Variants in RGS20 observed in about 807,000 individuals in gnomAD.
RGS20 encodes the protein regulator of G protein signaling 20, also known as gz-selective GTPase-activating protein.
Under a neutral mutation model 33.6 loss-of-function variants are expected in RGS20, and 30 were observed. The observed-to-expected ratio is 0.89, with a 90% CI of 0.67 to 1.21. The LOEUF (loss-of-function observed/expected upper bound fraction) is 1.21, where lower values mean the gene tolerates loss of function less well. Among genes scored for constraint, RGS20 ranks in the 50% most tolerant of loss-of-function variants. The pLI is 0.00. For missense variants in RGS20, 472 were observed against 502.4 expected (o/e 0.94, Z 0.58); for synonymous variants, 208 against 197.9 (o/e 1.05, Z -0.43).
intron 4 of RGS20, among the ~76,000 whole-genome samples, chr8:53,948,616 GATACAGTACATATTTACATATGCTA>G: frequency 8.9e-6 from 1 of 111,738 alleles, no homozygotes; most frequent in African/African-American, 3.8e-5. Flanking sequence ...TGCTATATAT[GATACAGTACATATTTACATATGCTA>G]TATATAAGAT....
At chr8:53,893,028 G>A (rs1469350190) in intron 2 of RGS20, among the ~76,000 whole-genome samples, 1 of 152,082 alleles carries the variant, frequency 6.6e-6, no homozygotes, top group Non-Finnish European at 1.5e-5. Context: ...AGAAAGAATT[G>A]CATTCAGAAT....
intron 2 of RGS20, among the ~76,000 whole-genome samples, chr8:53,938,604 A>G (rs1050516023): frequency 1.2e-4 from 19 of 152,238 alleles, no homozygotes; most frequent in African/African-American, 4.6e-4. Context: ...ATTAGGTAAT[A>G]ATCAATAGGA....
At chr8:53,938,097 A>T (rs984214417) in intron 2 of RGS20, among the ~76,000 whole-genome samples, 5 of 152,188 alleles carry the variant, frequency 3.3e-5, no homozygotes, top group Admixed American at 3.3e-4. Flanking sequence ...ATGTTTATTG[A>T]GGCACTGTTC....
At chr8:53,852,496 A>G (rs1345291199) in intron 1 of RGS20, among the ~76,000 whole-genome samples, 2 of 152,242 alleles carry the variant, frequency 1.3e-5, no homozygotes, top group African/African-American at 4.8e-5. Flanking sequence ...GAACATAAGA[A>G]CATTAAGGAG....
chr8:53,877,352 G>A lies in RGS20; in HGVS notation c.166-1906G>A, dbSNP rs1257534187. Among the ~76,000 whole-genome samples the A allele has an allele frequency of 2.0e-5, 3 of 152,180 alleles. No individual in the cohort carries two copies. The highest frequency in any genetic ancestry group is 2.0e-4 in the Admixed American group (3 of 15,288). ...GAGGGCCCTCGCTCCGGAGTGGGGCGCAGACGCGGCCGCCGGCCCGCAGTC... is the reference window on the plus strand; with the variant it reads ...GAGGGCCCTCGCTCCGGAGTGGGGCACAGACGCGGCCGCCGGCCCGCAGTC... On this transcript the variant is annotated intron_variant, in intron 1 of 5. Transcript: ENST00000297313. The surrounding 1 kb of genome is among the most constrained non-coding windows in gnomAD (Gnocchi z 5.7).
intron 2 of RGS20, among the ~76,000 whole-genome samples, chr8:53,913,000 C>G (rs989905830): frequency 6.6e-6 from 1 of 150,960 alleles, no homozygotes; most frequent in Non-Finnish European, 1.5e-5. Flanking sequence ...GAGTCTTGCT[C>G]TGTTGCCCAG....
chr8:53,955,632 C>T (rs1814844754), intron 5 of RGS20, among the ~76,000 whole-genome samples: 1 of 152,100 alleles, frequency 6.6e-6, no homozygotes, highest in African/African-American at 2.4e-5. Flanking sequence ...GAGTTCGAGA[C>T]CAGCCTGGCC....
chr8:53,869,498 A>C (rs1812006964), intron 1 of RGS20, among the ~76,000 whole-genome samples: 1 of 152,162 alleles, frequency 6.6e-6, no homozygotes, highest in Non-Finnish European at 1.5e-5. Flanking sequence ...CAACATGGTG[A>C]AACCCTGTCT....
At chr8:53,873,744 T>A (rs1175093000) in intron 1 of RGS20, among the ~76,000 whole-genome samples, 3 of 152,216 alleles carry the variant, frequency 2.0e-5, no homozygotes, top group African/African-American at 7.2e-5. Flanking sequence ...GAATATATAC[T>A]ATGTCAGATG....
At chr8:53,926,345 G>C (rs1399999011) in intron 2 of RGS20, among the ~76,000 whole-genome samples, 1 of 152,124 alleles carries the variant, frequency 6.6e-6, no homozygotes, top group African/African-American at 2.4e-5. Flanking sequence ...TGCTTCTTAG[G>C]GTCTTTGAAG....
intron 2 of RGS20, among the ~76,000 whole-genome samples, chr8:53,938,160 A>G (rs1814188441): frequency 2.6e-5 from 4 of 152,212 alleles, no homozygotes; most frequent in Admixed American, 2.6e-4. Flanking sequence ...TAGACTGGAT[A>G]AAGAAAATGT....
chr8:53,904,929 T>G (rs1210915497), intron 2 of RGS20, among the ~76,000 whole-genome samples: 1 of 152,226 alleles, frequency 6.6e-6, no homozygotes, highest in Non-Finnish European at 1.5e-5. Context: ...TATAGGATGT[T>G]CATTTAGTAA....
chr8:53,915,803 T>G (rs1480978806), intron 2 of RGS20, among the ~76,000 whole-genome samples: 1 of 152,180 alleles, frequency 6.6e-6, no homozygotes, highest in Non-Finnish European at 1.5e-5. Context: ...CTCGCTATGT[T>G]GTCGAGGCTG....
chr8:53,946,644 G>A lies in RGS20; in HGVS notation c.660-21G>A, dbSNP rs780126638. The A allele has an allele frequency of 8.1e-6, 13 of 1,600,216 alleles. No individual in the cohort carries two copies. In the African/African-American group the frequency reaches 1.5e-4, roughly 18 times the overall value. On this transcript the variant is annotated intron_variant, in intron 3 of 5. Transcript: ENST00000297313. ...TTGGCAGGGACTGAGCTGTCAACAT[G>A]TGAATGTCTTTTTTTTGCAGTCTCA... is the stretch of plus-strand genomic sequence containing the variant.
intron 1 of RGS20, among the ~76,000 whole-genome samples, chr8:53,856,280 A>T (rs1037281498): frequency 6.8e-6 from 1 of 148,144 alleles, no homozygotes; most frequent in Non-Finnish European, 1.5e-5. Context: ...CAGTGGCGTG[A>T]TCTCAGCTGA....
chr8:53,853,933 AAGGT>A (rs1387592217), intron 1 of RGS20, among the ~76,000 whole-genome samples: 1 of 152,224 alleles, frequency 6.6e-6, no homozygotes, highest in African/African-American at 2.4e-5. Flanking sequence ...AGTGAAATCT[AAGGT>A]AGACGTGAAA....
chr8:53,851,962 A>T lies in RGS20; in HGVS notation c.63A>T (p.Ile21=). The T allele has an allele frequency of 1.2e-6, 2 of 1,614,182 alleles. No homozygotes were observed. Among genetic ancestry groups the T allele is most frequent in the Non-Finnish European group, 1.7e-6 (2 of 1,180,022 alleles). Reference sequence around the variant, plus strand: ...AGAAACATTTCTCCAGGCCGTCTATATGGACACAGTTTCTGCCCCTGTTCA... The same window carrying T: ...AGAAACATTTCTCCAGGCCGTCTATTTGGACACAGTTTCTGCCCCTGTTCA... Residue 21 remains isoleucine (I), a synonymous_variant, in exon 1 of 6, where the codon ATA becomes ATT. Coordinates refer to ENST00000297313, the MANE Select transcript of RGS20 (RefSeq NM_170587.4).
chr8:53,889,378 T>G (rs1812637311), intron 2 of RGS20, among the ~76,000 whole-genome samples: 1 of 150,104 alleles, frequency 6.7e-6, no homozygotes, highest in African/African-American at 2.4e-5. Context: ...TTTGGCCCAT[T>G]TTTCTTTTTC....
At chr8:53,952,351 A>C (rs1814736700) in intron 4 of RGS20, among the ~76,000 whole-genome samples, 1 of 139,956 alleles carries the variant, frequency 7.1e-6, no homozygotes, top group Middle Eastern at 3.9e-3. Context: ...TCTGTCTCAA[A>C]AAAGAAAAAA....
Sources: allele counts gnomAD v4.1 joint callset (sites outside exome capture counted in the v4.1 genomes callset), GRCh38; gene constraint gnomAD v4.1.1; non-coding constraint Gnocchi (gnomAD v3.1); transcripts MANE v1.5; gene names NCBI Gene and HGNC (gene_info 2026-07-23, HGNC 2026-07-21).